The following PDS5B variants were observed in gnomAD, a reference collection of about 807,000 sequenced individuals.
PDS5B encodes PDS5 cohesin associated factor B.
Under a neutral mutation model 184.1 loss-of-function variants are expected in PDS5B, and 51 were observed. The ratio of observed to expected loss-of-function variants is 0.28; its 90% CI spans 0.22 to 0.35. The LOEUF is 0.35. Among genes scored for constraint, PDS5B ranks in the 10% least tolerant of loss-of-function variants. The probability of loss-of-function intolerance (pLI) is 1.00; values close to 1 mark genes in which losing one functional copy is unlikely to be tolerated. For missense variants in PDS5B, 1,180 were observed against 1,723.3 expected, an observed-to-expected ratio of 0.68 and a Z score of 5.58; for synonymous variants, 566 against 569.2, an observed-to-expected ratio of 0.99 and a Z score of 0.08.
chr13:32,664,770 C>G (rs549815052), intron 6 of PDS5B, among the ~76,000 whole-genome samples: 4 of 152,088 alleles, frequency 2.6e-5, no homozygotes, highest in Admixed American at 2.6e-4. Context: ...GGGAGGATCG[C>G]TTGCAGGGAG....
At chr13:32,758,479 CAGAGTCT>C in intron 27 of PDS5B, 48 bp from the exon 28 acceptor site, 1 of 1,516,524 alleles carries the variant, frequency 6.6e-7, no homozygotes, top group Non-Finnish European at 9.0e-7. Flanking sequence ...TCCTAGTTTA[CAGAGTCT>C]AGATTGCCAG....
intron 30 of PDS5B, among the ~76,000 whole-genome samples, chr13:32,763,763 A>T (rs2141021616): frequency 6.6e-6 from 1 of 152,254 alleles, no homozygotes; most frequent in Middle Eastern, 3.4e-3. Context: ...AAATAAGAAG[A>T]GTGTTCAAAT....
rs548981140 is a variant in PDS5B, at chr13:32,661,920, G to A, written c.624+2640G>A. ...AGTGATATGATCCTGGGATGATCAG[G>A]AGTATTTGGAGCTATTAAGTTTGAA... On this transcript the variant is annotated intron_variant, in intron 6 of 34. Coordinates refer to ENST00000315596, the MANE Select transcript of PDS5B (RefSeq NM_015032.4). Among the ~76,000 whole-genome samples the A allele has an allele frequency of 2.7e-3, 418 of 152,258 alleles. 1 individual carries two copies. Among genetic ancestry groups the A allele is most frequent in the South Asian group, 0.017 (80 of 4,832 alleles).
intron 21 of PDS5B, among the ~76,000 whole-genome samples, chr13:32,738,103 G>A (rs183316807): frequency 2.0e-5 from 3 of 152,090 alleles, no homozygotes; most frequent in East Asian, 1.9e-4. Flanking sequence ...AAAATATCTC[G>A]TAATTTATTT....
intron 1 of PDS5B, among the ~76,000 whole-genome samples, chr13:32,594,409 T>C (rs1419011674): frequency 6.6e-6 from 1 of 152,152 alleles, no homozygotes; most frequent in East Asian, 1.9e-4. Context: ...AGATGAAAGA[T>C]ACTCAATCAA....
intron 19 of PDS5B, among the ~76,000 whole-genome samples, chr13:32,730,374 T>A (rs1315605522): frequency 6.6e-6 from 1 of 152,202 alleles, no homozygotes; most frequent in Non-Finnish European, 1.5e-5. Context: ...TGAAGTCAGG[T>A]AGCATGATAT....
intron 17 of PDS5B, among the ~76,000 whole-genome samples, chr13:32,704,686 A>C (rs1951956218): frequency 6.6e-6 from 1 of 152,146 alleles, no homozygotes; most frequent in African/African-American, 2.4e-5. Flanking sequence ...TGAGGTTGTG[A>C]TACATTAGAG....
Position 32,745,974 on chromosome 13 carries a change from C to T in PDS5B, c.2613-3C>T. 1 of 1,607,464 alleles carries T rather than the reference C, an allele frequency of 6.2e-7. No individual in the cohort carries two copies. Among genetic ancestry groups the T allele is most frequent in the Non-Finnish European group, 8.5e-7 (1 of 1,174,708 alleles). On this transcript the variant is annotated splice_polypyrimidine_tract_variant and splice_region_variant and intron_variant, in intron 23 of 34. Coordinates refer to ENST00000315596, the MANE Select transcript of PDS5B (RefSeq NM_015032.4). ...ATCTATATTCATTCTACTCATTTTT[C>T]AGTAAACCAGATATGTCACGTCTGA...
chr13:32,770,674 G>C lies in PDS5B; in HGVS notation c.4085G>C (p.Ser1362Thr). The change falls in exon 33 of 35, where the codon AGT becomes ACT. Residue 1362 changes from serine (S) to threonine (T), a missense_variant. By Grantham distance (58) the Ser-to-Thr change is moderately conservative. This residue lies in a region of PDS5B where 465 missense variants were observed against 497.8 expected (regional missense o/e 0.93). Transcript: ENST00000315596. ...AQQRAESPESSAIESTQSTPQ... is the reference protein window; with the variant it reads ...AQQRAESPESTAIESTQSTPQ... ...AGCAGAGCAGAATCTCCTGAATCTA[G>C]TGCAATTGAATCCACACAGTCCACA... 6.2e-7 allele frequency: 1 copy of C among 1,611,428 alleles called. No individual in the cohort carries two copies. Among genetic ancestry groups the C allele is most frequent in the Non-Finnish European group, 8.5e-7 (1 of 1,178,808 alleles).
intron 19 of PDS5B, among the ~76,000 whole-genome samples, chr13:32,710,479 G>T (rs543993120): frequency 1.3e-5 from 2 of 152,296 alleles, no homozygotes; most frequent in South Asian, 4.1e-4. Context: ...ACAAAAAAAA[G>T]TCGGAAGCAG....
intron 6 of PDS5B, among the ~76,000 whole-genome samples, chr13:32,664,475 CT>C (rs1950732188): frequency 6.6e-6 from 1 of 152,130 alleles, no homozygotes; most frequent in Non-Finnish European, 1.5e-5. Context: ...TAATAGAAGA[CT>C]TACATATGTT....
rs111423729 is a variant in PDS5B at position 32,687,319 on chromosome 13, TTGAA to T, written c.1355+37_1355+40del. The T allele has an allele frequency of 1.0e-4, 143 of 1,420,302 alleles. 3 individuals are homozygous for T. In the African/African-American group the frequency reaches 1.6e-3, roughly 16 times the overall value. 88.0% of individuals were successfully genotyped at this position (1,420,302 alleles called of 1,614,324 possible). The stretch of plus-strand genomic sequence containing the variant: ...AGGACACTATAAATATTTGGTGACT[TTGAA>T]TGTTATATAACTTGATTTATTGTTT... On this transcript the variant is annotated intron_variant, in intron 12 of 34. Coordinates refer to ENST00000315596, the MANE Select transcript of PDS5B (RefSeq NM_015032.4).
chr13:32,770,032 A>G (rs1593658413), intron 31 of PDS5B, 89 bp from the exon 32 acceptor site: 12 of 1,107,572 alleles, frequency 1.1e-5, no homozygotes, highest in Non-Finnish European at 1.6e-5. Flanking sequence ...CTAGGACAAC[A>G]TTAGATAACA....
At chr13:32,672,914 C>G (rs778443718) in intron 7 of PDS5B, among the ~76,000 whole-genome samples, 1 of 152,032 alleles carries the variant, frequency 6.6e-6, no homozygotes, top group South Asian at 2.1e-4. Flanking sequence ...ATTAACCATC[C>G]AGAAATATGC....
intron 10 of PDS5B, among the ~76,000 whole-genome samples, chr13:32,683,605 C>T (rs912543539): frequency 1.3e-5 from 2 of 152,186 alleles, no homozygotes; most frequent in Non-Finnish European, 2.9e-5. Flanking sequence ...CAGGCATGAG[C>T]CACCACACCT....
At position 32,675,903 on chromosome 13, in the gene PDS5B, A is replaced by G. The variant is rs748573989; in HGVS notation, c.906A>G (p.Ala302=). 12 of 1,613,880 alleles carry G rather than the reference A, an allele frequency of 7.4e-6. No individual in the cohort carries two copies. In the South Asian group the frequency reaches 1.2e-4, roughly 16 times the overall value. ...VVKLLAKMFG[A]KDSELASQNK... ...AACTACTGGCAAAAATGTTTGGGGC[A>G]AAGGATTCAGAATTGGCTTCTCAAA... Residue 302 remains alanine, a synonymous_variant, in exon 9 of 35, where the codon GCA becomes GCG. Coordinates refer to ENST00000315596, the MANE Select transcript of PDS5B (RefSeq NM_015032.4).
At chr13:32,660,864 C>G (rs1442975289) in intron 6 of PDS5B, among the ~76,000 whole-genome samples, 1 of 152,096 alleles carries the variant, frequency 6.6e-6, no homozygotes, top group Non-Finnish European at 1.5e-5. Flanking sequence ...CAATCTTTTG[C>G]TTAGTCCATT....
chr13:32,619,686 C>T (rs569029001), intron 1 of PDS5B, among the ~76,000 whole-genome samples: 2 of 152,106 alleles, frequency 1.3e-5, no homozygotes, highest in Non-Finnish European at 2.9e-5. Context: ...TTTTCCAGCT[C>T]TATTATAATC....
chr13:32,667,737 A>G, intron 6 of PDS5B, 27 bp from the exon 7 acceptor site: 1 of 1,392,192 alleles, frequency 7.2e-7, no homozygotes, highest in Non-Finnish European at 1.0e-6. Flanking sequence ...AGAGATATAT[A>G]ATATAGATAT....
Sources: allele counts gnomAD v4.1 joint callset (sites outside exome capture counted in the v4.1 genomes callset), GRCh38; gene constraint gnomAD v4.1.1; regional missense constraint gnomAD v4.1.1; transcripts MANE v1.5; gene names NCBI Gene and HGNC (gene_info 2026-07-23, HGNC 2026-07-21).